The following MED13 variants were observed in gnomAD, a reference collection of about 807,000 sequenced individuals.
MED13 encodes the protein mediator complex subunit 13, also known as mediator of RNA polymerase II transcription subunit 13.
In MED13, 23 loss-of-function variants were observed where a neutral mutation model predicts 225.2. The ratio of observed to expected loss-of-function variants is 0.10; its 90% confidence interval spans 0.07 to 0.14. MED13 has a LOEUF of 0.14. MED13 is among the 10% of genes least tolerant of loss of function. The pLI is 1.00. For synonymous variants in MED13, 942 were observed against 889.2 expected, an observed-to-expected ratio of 1.06 and a Z score of -1.06; for missense variants, 2,197 against 2,594.5, an observed-to-expected ratio of 0.85 and a Z score of 3.33.
chr17:61,950,207 A>C (rs895673182), intron 28 of MED13, among the ~76,000 whole-genome samples: 1 of 152,114 alleles, frequency 6.6e-6, no homozygotes, highest in African/African-American at 2.4e-5. Context: ...TCAGCTCTAA[A>C]TTTCCATATA....
Position 61,946,552 on chromosome 17 carries a change from A to G in MED13, c.6441T>C (p.Pro2147=), listed in dbSNP as rs375077130. Residue 2147 remains proline, a synonymous_variant, in exon 30 of 30, where the codon CCT becomes CCC. Coordinates refer to ENST00000397786, the MANE Select transcript of MED13 (RefSeq NM_005121.3). ...GACATGAGCGTCTGTCCTGGGTTGC[A>G]GGGTCACAGGTTAGCCAGGAGAGTG... ...YNALSWLTCD[P]ATQDRRSCLP... 2.6e-5 allele frequency: 42 copies of G among 1,613,970 alleles called. No individual in the cohort carries two copies. The highest frequency in any genetic ancestry group is 4.0e-5 in the African/African-American group (3 of 74,938).
chr17:61,970,288 A>G (rs2080095449), intron 17 of MED13, among the ~76,000 whole-genome samples: 2 of 152,186 alleles, frequency 1.3e-5, no homozygotes, highest in South Asian at 4.1e-4. Context: ...TTAATCTCTC[A>G]AACTATAATG....
chr17:62,035,387 C>T (rs1447162633), intron 4 of MED13, 76 bp downstream of exon 4: 1 of 1,259,586 alleles, frequency 7.9e-7, no homozygotes, highest in African/African-American at 1.5e-5. Flanking sequence ...CCATCAATCC[C>T]CAAATGTAAA....
rs181325013 is a variant in MED13, at chr17:62,002,944, T to C, written c.1968-7579A>G. ...GATAATTTTTTGTTATGGGAGATTA[T>C]CCTGTGCACTGTAAGATATTTAGCA... On this transcript the variant is annotated intron_variant, in intron 9 of 29. Coordinates refer to ENST00000397786, the MANE Select transcript of MED13 (RefSeq NM_005121.3). 8.9e-4 allele frequency among the ~76,000 whole-genome samples: 136 copies of C among 152,352 alleles called. 1 individual carries two copies. Among genetic ancestry groups the C allele is most frequent in the African/African-American group, 3.1e-3 (130 of 41,582 alleles).
At chr17:61,950,746 A>T in intron 28 of MED13, 79 bp downstream of exon 28, 1 of 1,427,038 alleles carries the variant, frequency 7.0e-7, no homozygotes, top group Non-Finnish European at 9.5e-7. Context: ...TATAAGACTT[A>T]AAAAAGCCAC....
chr17:61,979,156 T>G (rs1350867868), intron 16 of MED13, among the ~76,000 whole-genome samples: 1 of 152,210 alleles, frequency 6.6e-6, no homozygotes, highest in African/African-American at 2.4e-5. Flanking sequence ...TTAAAGGGTA[T>G]CTGACTATAT....
intron 26 of MED13, 99 bp downstream of exon 26, chr17:61,955,283 T>C (rs1163227360): frequency 6.8e-6 from 7 of 1,034,046 alleles, no homozygotes; most frequent in Admixed American, 3.3e-5. Context: ...AAAATCATTT[T>C]TTGGTAAAAC....
chr17:62,060,725 A>T (rs1000468035), intron 2 of MED13, among the ~76,000 whole-genome samples: 4 of 149,536 alleles, frequency 2.7e-5, no homozygotes, highest in Non-Finnish European at 5.9e-5. Flanking sequence ...TTTGAGACAG[A>T]GTCTCACTCT....
At chr17:62,061,914 C>CA (rs1378918253) in intron 2 of MED13, among the ~76,000 whole-genome samples, 1 of 152,172 alleles carries the variant, frequency 6.6e-6, no homozygotes, top group Non-Finnish European at 1.5e-5. Context: ...CAGTCACTCT[C>CA]AAAAATAACA....
intron 15 of MED13, among the ~76,000 whole-genome samples, chr17:61,983,393 T>C (rs1401586661): frequency 6.6e-6 from 1 of 152,150 alleles, no homozygotes; most frequent in Non-Finnish European, 1.5e-5. Flanking sequence ...TTACTATCTA[T>C]AAATTTTGTT....
chr17:61,989,939 C>A (rs1019484470), intron 11 of MED13, among the ~76,000 whole-genome samples: 3 of 152,200 alleles, frequency 2.0e-5, no homozygotes, highest in Non-Finnish European at 4.4e-5. Flanking sequence ...TGCTCTGAAT[C>A]TGTAGATCAC....
chr17:62,053,891 T>G (rs894982941), intron 2 of MED13, among the ~76,000 whole-genome samples: 1 of 152,232 alleles, frequency 6.6e-6, no homozygotes, highest in Non-Finnish European at 1.5e-5. Context: ...AAAAGTATGA[T>G]AGTGGACTTT....
At chr17:62,053,850 TACA>T (rs1196066212) in intron 2 of MED13, among the ~76,000 whole-genome samples, 1 of 152,318 alleles carries the variant, frequency 6.6e-6, no homozygotes, top group African/African-American at 2.4e-5. Flanking sequence ...GCACAATTTA[TACA>T]ACAAATGGGT....
At chr17:62,044,467 A>C (rs1268844343) in intron 3 of MED13, among the ~76,000 whole-genome samples, 2 of 152,152 alleles carry the variant, frequency 1.3e-5, no homozygotes. Flanking sequence ...CTCTCTATGG[A>C]CTAAGTTTTT....
At chr17:62,065,064 C>A (rs1233285208) in intron 1 of MED13, 76 bp downstream of exon 1, 19 of 1,360,022 alleles carry the variant, frequency 1.4e-5, no homozygotes, top group Non-Finnish European at 1.8e-5. Context: ...TGGACCAGAC[C>A]CGGCCCCCTC....
chr17:62,034,032 C>A, intron 4 of MED13, 48 bp from the exon 5 acceptor site: 1 of 1,514,216 alleles, frequency 6.6e-7, no homozygotes, highest in Non-Finnish European at 9.1e-7. Context: ...GACTGTTTTA[C>A]CAAATAAGAA....
chr17:61,955,198 T>C (rs1214555388), intron 26 of MED13, 184 bp downstream of exon 26: 1 of 439,824 alleles, frequency 2.3e-6, no homozygotes, highest in Non-Finnish European at 3.9e-6. Context: ...AGAACACATG[T>C]TATCGCATTA....
intron 4 of MED13, among the ~76,000 whole-genome samples, chr17:62,035,204 T>TA (rs796759626): frequency 1.6e-4 from 24 of 152,172 alleles, no homozygotes; most frequent in Middle Eastern, 3.4e-3. Context: ...TTAACACATA[T>TA]AAATCCATTA....
In MED13 at chr17:61,984,326, T is replaced by C. The variant is rs1327401562; in HGVS notation, c.2733A>G (p.Leu911=). ...GAGGTGCAAACATGGAACATCCCAC[T>C]AGAATTTGACAATTTTCAGGCTTAT... is the stretch of plus-strand genomic sequence containing the variant. ...YVYKPENCQI[L]VGCSMFAPLK... Residue 911 remains leucine, a synonymous_variant, in exon 15 of 30, where the codon CTA becomes CTG. Transcript: ENST00000397786. The C allele has an allele frequency of 1.9e-6, 3 of 1,599,228 alleles. No homozygotes were observed. The highest frequency in any genetic ancestry group is 1.4e-5 in the African/African-American group (1 of 73,882).
Sources: allele counts gnomAD v4.1 joint callset (sites outside exome capture counted in the v4.1 genomes callset), GRCh38; gene constraint gnomAD v4.1.1; transcripts MANE v1.5; gene names NCBI Gene and HGNC (gene_info 2026-07-23, HGNC 2026-07-21).